CEP83: variants seen among roughly 807,000 people sequenced by gnomAD.
The protein encoded by CEP83 is centrosomal protein of 83 kDa.
CEP83 carries 70 observed loss-of-function variants against 101.9 expected under a neutral mutation model. The ratio of observed to expected loss-of-function variants is 0.69; its 90% CI spans 0.57 to 0.84. CEP83 has a LOEUF of 0.84. CEP83 is among the 40% of genes least tolerant of loss of function. The pLI, the probability that CEP83 is intolerant of heterozygous loss-of-function variation, is 0.00. For missense variants in CEP83, 715 were observed against 787.2 expected, an observed-to-expected ratio of 0.91 and a Z score of 1.10; for synonymous variants, 264 against 267.9, an observed-to-expected ratio of 0.99 and a Z score of 0.14.
intron 1 of CEP83, among the ~76,000 whole-genome samples, chr12:94,445,481 T>C (rs1331333752): frequency 6.6e-6 from 1 of 152,142 alleles, no homozygotes; most frequent in African/African-American, 2.4e-5. Flanking sequence ...ACTGACAAAC[T>C]GGATTTCATC....
intron 6 of CEP83, among the ~76,000 whole-genome samples, chr12:94,395,763 G>A (rs889107923): frequency 2.0e-5 from 3 of 152,234 alleles, no homozygotes; most frequent in African/African-American, 7.2e-5. Context: ...AGAGCTTGCA[G>A]TGAGCCAAGA....
intron 11 of CEP83, among the ~76,000 whole-genome samples, chr12:94,352,741 A>G (rs1396548970): frequency 6.6e-6 from 1 of 152,160 alleles, no homozygotes; most frequent in African/African-American, 2.4e-5. Flanking sequence ...GTCTAGATCA[A>G]GCAGGAAAAA....
In CEP83 at chr12:94,335,639, T is replaced by C. The variant is rs1200906037; in HGVS notation, c.1369A>G (p.Thr457Ala). The change falls in exon 12 of 17, where the codon ACT (threonine) becomes GCT (alanine). Residue 457 changes from threonine (T) to alanine (A), a missense_variant. Transcript: ENST00000397809. ...VRLKLQQQIV[T>A]IENAEKEKNE... is the part of the protein sequence containing the mutation. Reference sequence around the variant, plus strand: ...TTTTCCTTCTCTGCATTTTCAATAGTCACAATTTGTTGCTGAAGTTTTAAC... The same window carrying C: ...TTTTCCTTCTCTGCATTTTCAATAGCCACAATTTGTTGCTGAAGTTTTAAC... 6.3e-7 allele frequency: 1 copy of C among 1,587,230 alleles called. No individual in the cohort carries two copies. The highest frequency in any genetic ancestry group is 1.4e-5 in the African/African-American group (1 of 73,448).
chr12:94,309,001 A>T (rs1969413011), intron 16 of CEP83, 84 bp from the exon 17 acceptor site: 1 of 868,666 alleles, frequency 1.2e-6, no homozygotes, highest in Non-Finnish European at 1.9e-6. Context: ...TCTTTTATAT[A>T]TGCCTATAAC....
intron 11 of CEP83, among the ~76,000 whole-genome samples, chr12:94,339,270 A>G (rs545267455): frequency 6.6e-6 from 1 of 152,274 alleles, no homozygotes; most frequent in East Asian, 1.9e-4. Flanking sequence ...TTGAGTACCT[A>G]TACATGCTAA....
At chr12:94,315,363 T>C (rs945864969) in intron 14 of CEP83, among the ~76,000 whole-genome samples, 1 of 152,172 alleles carries the variant, frequency 6.6e-6, no homozygotes, top group Admixed American at 6.5e-5. Flanking sequence ...TTATGCATGT[T>C]AGTCATCTGG....
intron 8 of CEP83, among the ~76,000 whole-genome samples, chr12:94,372,819 C>T (rs1156283457): frequency 6.6e-6 from 1 of 152,150 alleles, no homozygotes; most frequent in East Asian, 1.9e-4. Context: ...AGCAATTTAC[C>T]TGTCCTCTCT....
the CEP83 span, among the ~76,000 whole-genome samples, chr12:94,283,484 C>T: frequency 4.9e-3 from 746 of 152,296 alleles, 6 homozygotes; most frequent in African/African-American, 0.017. Context: ...GGTTCACCTT[C>T]CCCATTGCCT....
In CEP83 at chr12:94,364,702, T is replaced by C. The variant is rs1055221171; in HGVS notation, c.1343+3092A>G. ...AGACAACCAGATGAGTGAAACAGAA[T>C]AGAAAGTCCAGAAATATACCCAAGT... is the stretch of plus-strand genomic sequence containing the variant. On this transcript the variant is annotated intron_variant, in intron 11 of 16. Transcript: ENST00000397809. 3.9e-5 allele frequency among the ~76,000 whole-genome samples: 6 copies of C among 152,034 alleles called. No homozygotes were observed. In the East Asian group the frequency reaches 5.8e-4, roughly 15 times the overall value.
intron 11 of CEP83, among the ~76,000 whole-genome samples, chr12:94,352,861 T>C (rs1244193039): frequency 6.6e-6 from 1 of 152,188 alleles, no homozygotes; most frequent in Non-Finnish European, 1.5e-5. Flanking sequence ...CACCATTAAG[T>C]GAACACATAT....
At chr12:94,284,481 C>A in the CEP83 span, among the ~76,000 whole-genome samples, 1 of 152,170 alleles carries the variant, frequency 6.6e-6, no homozygotes, top group East Asian at 1.9e-4. Flanking sequence ...TGAAAGGCAT[C>A]TGAAAGGTTT....
chr12:94,316,689 T>G (rs1269807624), intron 14 of CEP83, among the ~76,000 whole-genome samples: 1 of 152,146 alleles, frequency 6.6e-6, no homozygotes, highest in East Asian at 1.9e-4. Flanking sequence ...GGTTTTCCTT[T>G]TTTGTGTTAG....
At chr12:94,417,618 A>C (rs2064380697) in intron 2 of CEP83, among the ~76,000 whole-genome samples, 1 of 151,752 alleles carries the variant, frequency 6.6e-6, no homozygotes, top group Admixed American at 6.6e-5. Context: ...GCAAAACCCC[A>C]TCTCTACTAA....
intron 4 of CEP83, among the ~76,000 whole-genome samples, chr12:94,411,174 G>A (rs1010790177): frequency 1.3e-5 from 2 of 152,082 alleles, no homozygotes; most frequent in East Asian, 3.8e-4. Context: ...ATGAAAAAAT[G>A]AATAGCGTGA....
At chr12:94,411,080 T>C (rs753752167) in intron 4 of CEP83, among the ~76,000 whole-genome samples, 1 of 152,178 alleles carries the variant, frequency 6.6e-6, no homozygotes, top group Non-Finnish European at 1.5e-5. Context: ...TGGGAAAATA[T>C]TATTCGTGAG....
chr12:94,311,998 C>T (rs1969933842), intron 15 of CEP83, among the ~76,000 whole-genome samples: 2 of 152,036 alleles, frequency 1.3e-5, no homozygotes, highest in South Asian at 4.1e-4. Flanking sequence ...TAGATTAAGC[C>T]TAGGGGTTCG....
chr12:94,438,716 C>T (rs2066180682), intron 1 of CEP83, among the ~76,000 whole-genome samples: 2 of 152,246 alleles, frequency 1.3e-5, no homozygotes, highest in South Asian at 4.1e-4. Flanking sequence ...AACATTCTAC[C>T]CAACAATTGC....
At chr12:94,416,410 A>C (rs1454382559) in intron 2 of CEP83, among the ~76,000 whole-genome samples, 2 of 152,172 alleles carry the variant, frequency 1.3e-5, no homozygotes, top group African/African-American at 4.8e-5. Context: ...GAGCTGAAGA[A>C]ACTGGCAACC....
intron 2 of CEP83, among the ~76,000 whole-genome samples, chr12:94,416,385 T>C (rs1173156640): frequency 6.6e-6 from 1 of 152,090 alleles, no homozygotes; most frequent in Non-Finnish European, 1.5e-5. Flanking sequence ...TTCTTTTTCA[T>C]ATATCTCAGA....
Sources: gnomAD v4.1 joint callset for allele counts (sites outside exome capture counted in the v4.1 genomes callset) on GRCh38, gnomAD v4.1.1 for gene constraint, MANE v1.5 for transcripts, NCBI Gene and HGNC (gene_info 2026-07-23, HGNC 2026-07-21) for gene names.